TRIM5: variants seen among roughly 807,000 people sequenced by gnomAD.
TRIM5 encodes tripartite motif-containing protein 5.
Under a neutral mutation model 35.6 loss-of-function variants are expected in TRIM5, and 31 were observed. The ratio of observed to expected loss-of-function variants is 0.87; its 90% CI spans 0.65 to 1.18. TRIM5 has a LOEUF of 1.18. Ranked by LOEUF, TRIM5 falls within the 50% of genes most tolerant of loss-of-function variation. TRIM5 has a pLI of 0.00. For missense variants in TRIM5, 609 were observed against 591.6 expected, an observed-to-expected ratio of 1.03 and a Z score of -0.31; for synonymous variants, 243 against 215.6, an observed-to-expected ratio of 1.13 and a Z score of -1.11.
At chr11:5,592,870 T>A in the TRIM5 span, among the ~76,000 whole-genome samples, 1 of 144,774 alleles carries the variant, frequency 6.9e-6, no homozygotes, top group African/African-American at 2.6e-5. Context: ...TGAGCTGAGA[T>A]TGTGCTACTA....
At chr11:5,606,889 G>T in the TRIM5 span, among the ~76,000 whole-genome samples, 5 of 152,122 alleles carry the variant, frequency 3.3e-5, no homozygotes, top group African/African-American at 1.2e-4. Flanking sequence ...CCATATCTGT[G>T]TGAATTGTTG....
rs774429176 is a variant in TRIM5, at chr11:5,678,280, T to G, written c.668A>C (p.Gln223Pro). 7 of 1,614,088 alleles carry G rather than the reference T, an allele frequency of 4.3e-6. No homozygotes were observed. In the African/African-American group the frequency reaches 9.3e-5, roughly 22 times the overall value. ...GAGCTCTCTCAGGGACTGGGTCTGC[T>G]GCACCATCTCAGTTTCAGAGTTCGT... ...SLTNSETEMVQQTQSLRELIS... is the reference protein window; with the variant it reads ...SLTNSETEMVPQTQSLRELIS... The change falls in exon 4 of 8, where the codon CAG (glutamine) becomes CCG (proline). Residue 223 changes from glutamine (Q) to proline (P), a missense_variant. Transcript: ENST00000380034.
At chr11:5,632,406 CTT>C in the TRIM5 span, 2 of 1,613,896 alleles carry the variant, frequency 1.2e-6, no homozygotes, top group East Asian at 4.5e-5. Flanking sequence ...TGACAGAACC[CTT>C]GAGTCTAGAC....
chr11:5,605,452 G>A, the TRIM5 span: 1 of 1,614,182 alleles, frequency 6.2e-7, no homozygotes, highest in South Asian at 1.1e-5. Flanking sequence ...GAGAAGAAGG[G>A]GCTACGAATT....
intron 4 of TRIM5, among the ~76,000 whole-genome samples, chr11:5,674,090 T>G (rs2134077838): frequency 6.6e-6 from 1 of 152,232 alleles, no homozygotes; most frequent in East Asian, 1.9e-4. Flanking sequence ...GCAAAAAGCC[T>G]TTTTAATTTC....
At chr11:5,681,409 A>G (rs1373945864) in intron 1 of TRIM5, among the ~76,000 whole-genome samples, 4 of 152,240 alleles carry the variant, frequency 2.6e-5, no homozygotes, top group Admixed American at 2.0e-4. Flanking sequence ...ACGTCTACGT[A>G]TAGGTGTGCA....
chr11:5,632,110 C>G, the TRIM5 span: 1 of 1,168,858 alleles, frequency 8.6e-7, no homozygotes, highest in Non-Finnish European at 1.2e-6. Context: ...ACAGCTCGCC[C>G]AGACCACTTT....
chr11:5,614,622 T>C, the TRIM5 span, among the ~76,000 whole-genome samples: 1 of 152,212 alleles, frequency 6.6e-6, no homozygotes, highest in Admixed American at 6.5e-5. Context: ...TGGAACTATG[T>C]TAATTCCATT....
At chr11:5,665,876 C>T in intron 6 of TRIM5, 105 bp downstream of exon 6, 1 of 1,314,668 alleles carries the variant, frequency 7.6e-7, no homozygotes, top group Non-Finnish European at 1.0e-6. Flanking sequence ...TATCTATCCT[C>T]CCCTATCCCC....
At chr11:5,605,138 G>T in the TRIM5 span, 5 of 682,242 alleles carry the variant, frequency 7.3e-6, no homozygotes, top group African/African-American at 9.0e-5. Context: ...GCAGCCCGGG[G>T]CCAATGGTCT....
the TRIM5 span, among the ~76,000 whole-genome samples, chr11:5,636,445 C>T: frequency 1.4e-4 from 22 of 152,262 alleles, no homozygotes; most frequent in Admixed American, 1.0e-3. Context: ...TGTGCAATGA[C>T]GGTTGCACTA....
chr11:5,657,704 ATAAATATATAT>A, the TRIM5 span, among the ~76,000 whole-genome samples: 516 of 132,434 alleles, frequency 3.9e-3, 5 homozygotes, highest in African/African-American at 0.014. Flanking sequence ...TATAATATAT[ATAAATATATAT>A]ATATATTATA....
At chr11:5,611,352 T>C in the TRIM5 span, 10 of 1,602,416 alleles carry the variant, frequency 6.2e-6, no homozygotes, top group Non-Finnish European at 8.5e-6. Flanking sequence ...AATATTCTTC[T>C]GTTCCCACCC....
the TRIM5 span, chr11:5,642,683 G>C: frequency 7.6e-7 from 1 of 1,324,188 alleles, no homozygotes; most frequent in Non-Finnish European, 9.9e-7. Flanking sequence ...CTAGGTCTCT[G>C]GTTTATCTTT....
At chr11:5,610,039 GA>G in the TRIM5 span, 3 of 1,184,570 alleles carry the variant, frequency 2.5e-6, no homozygotes, top group Non-Finnish European at 3.6e-6. Flanking sequence ...AGTGTATTCA[GA>G]AAGGAGGATT....
chr11:5,634,982 A>G, the TRIM5 span: 1 of 979,032 alleles, frequency 1.0e-6, no homozygotes, highest in Non-Finnish European at 1.5e-6. Flanking sequence ...CTTGTCGTCC[A>G]TTCTAGATGT....
At chr11:5,606,927 A>G in the TRIM5 span, among the ~76,000 whole-genome samples, 51,078 of 151,932 alleles carry the variant, frequency 0.34, 9,426 homozygotes, top group African/African-American at 0.5. Context: ...GCCAAGGCCG[A>G]GCGCGGTGGC....
chr11:5,671,181 G>A (rs1305662896), intron 4 of TRIM5, among the ~76,000 whole-genome samples: 5 of 151,922 alleles, frequency 3.3e-5, no homozygotes, highest in African/African-American at 7.3e-5. Context: ...AGTCAAGATC[G>A]CACCACTACA....
At chr11:5,610,257 C>T in the TRIM5 span, 6 of 1,613,840 alleles carry the variant, frequency 3.7e-6, no homozygotes, top group South Asian at 5.5e-5. Flanking sequence ...TAAGGAGATT[C>T]AGGGGAAAGA....
Sources: allele counts gnomAD v4.1 joint callset (sites outside exome capture counted in the v4.1 genomes callset), GRCh38; gene constraint gnomAD v4.1.1; transcripts MANE v1.5; gene names NCBI Gene and HGNC (gene_info 2026-07-23, HGNC 2026-07-21).